The following CHODL variants were observed in gnomAD, a reference collection of about 807,000 sequenced individuals.
CHODL encodes chondrolectin.
CHODL carries 29 observed loss-of-function variants against 34.5 expected under a neutral mutation model. The ratio of observed to expected loss-of-function variants is 0.84; its 90% CI spans 0.63 to 1.15. CHODL has a LOEUF of 1.15. CHODL is among the 50% of genes most tolerant of loss of function. The probability of loss-of-function intolerance (pLI) is 0.00; values close to 1 mark genes in which losing one functional copy is unlikely to be tolerated. For missense variants in CHODL, 332 were observed against 332.5 expected (o/e 1.00, Z 0.01); for synonymous variants, 125 against 116.1 (o/e 1.08, Z -0.49).
intron 1 of CHODL, among the ~76,000 whole-genome samples, chr21:17,921,937 T>C (rs776634564): frequency 1.3e-5 from 2 of 152,170 alleles, no homozygotes; most frequent in African/African-American, 4.8e-5. Flanking sequence ...AAATTTCTAT[T>C]TTTTCCAAGA....
intron 2 of CHODL, among the ~76,000 whole-genome samples, chr21:18,087,995 G>A (rs944014573): frequency 2.6e-5 from 4 of 152,266 alleles, no homozygotes; most frequent in Middle Eastern, 3.4e-3. Flanking sequence ...GAGAGGACAA[G>A]CGAAGGGGGA....
At chr21:18,254,222 C>T (rs34590352) in intron 1 of CHODL, among the ~76,000 whole-genome samples, 6,445 of 151,472 alleles carry the variant, frequency 0.043, 445 homozygotes, top group African/African-American at 0.15. Context: ...ATAGGCTACA[C>T]AATTAAATAC....
chr21:18,130,523 CAG>C (rs370169270), intron 2 of CHODL, among the ~76,000 whole-genome samples: 87 of 152,142 alleles, frequency 5.7e-4, no homozygotes, highest in Admixed American at 1.2e-3. Context: ...AGAGGGATAA[CAG>C]GGCTGATTCC....
chr21:17,950,934 A>C (rs995034629), intron 1 of CHODL, among the ~76,000 whole-genome samples: 3 of 152,050 alleles, frequency 2.0e-5, no homozygotes, highest in Non-Finnish European at 2.9e-5. Context: ...TGGTCTTGCA[A>C]CCTCACAGTC....
At chr21:17,998,237 A>T (rs1420327254) in intron 1 of CHODL, among the ~76,000 whole-genome samples, 4 of 152,346 alleles carry the variant, frequency 2.6e-5, no homozygotes, top group African/African-American at 9.6e-5. Flanking sequence ...CAGGTCTCAC[A>T]CCCAGGTCAT....
At chr21:17,952,818 C>T (rs746233688) in intron 1 of CHODL, among the ~76,000 whole-genome samples, 15 of 152,280 alleles carry the variant, frequency 9.9e-5, no homozygotes, top group African/African-American at 3.1e-4. Context: ...GAGGTTTAAT[C>T]GCCTCTCAGT....
At chr21:17,933,561 G>T (rs935616148) in intron 1 of CHODL, among the ~76,000 whole-genome samples, 2 of 152,140 alleles carry the variant, frequency 1.3e-5, no homozygotes, top group Non-Finnish European at 2.9e-5. Context: ...TTGGGGTAAG[G>T]TCATAGATTA....
At position 18,234,357 on chromosome 21, in the gene CHODL, T is replaced by G. The variant is rs1160992906; in HGVS notation, c.-44-22152T>G. Among the ~76,000 whole-genome samples the G allele has an allele frequency of 3.6e-3, 550 of 152,192 alleles. 5 individuals carry two copies. The highest frequency in any genetic ancestry group is 0.012 in the African/African-American group (509 of 41,538). ...TGGAAGCAGAGTGTGGACTATTTTC[T>G]TGCCCTCTACTGGCCGTGAAGCCTC... On this transcript the variant is annotated intron_variant, in intron 2 of 6. Coordinates refer to the CHODL transcript ENST00000400127.
intron 2 of CHODL, among the ~76,000 whole-genome samples, chr21:18,235,723 GA>G (rs1189214541): frequency 6.6e-6 from 1 of 152,052 alleles, no homozygotes; most frequent in Non-Finnish European, 1.5e-5. Context: ...AAAACTTATT[GA>G]AAATAGCATT....
intron 2 of CHODL, among the ~76,000 whole-genome samples, chr21:18,145,083 G>T (rs1034786671): frequency 6.7e-6 from 1 of 149,610 alleles, no homozygotes; most frequent in Non-Finnish European, 1.5e-5. Flanking sequence ...AATACATTGT[G>T]TAGTAAACAA....
chr21:18,009,064 C>T (rs1600889134), intron 1 of CHODL, among the ~76,000 whole-genome samples: 3 of 152,278 alleles, frequency 2.0e-5, no homozygotes, highest in Admixed American at 2.0e-4. Context: ...CTATATGGTA[C>T]ATTGATTTTC....
intron 3 of CHODL, among the ~76,000 whole-genome samples, chr21:18,257,694 A>C (rs1022367718): frequency 5.9e-5 from 9 of 152,202 alleles, no homozygotes; most frequent in Non-Finnish European, 1.2e-4. Flanking sequence ...TATTCTTGAA[A>C]TATGTCTCCT....
intron 2 of CHODL, among the ~76,000 whole-genome samples, chr21:18,159,359 A>T (rs1036372727): frequency 1.3e-5 from 2 of 152,138 alleles, no homozygotes; most frequent in Non-Finnish European, 2.9e-5. Context: ...TAATATGGGA[A>T]CTATTTTGTT....
chr21:18,139,226 G>T (rs1021177740), intron 2 of CHODL, among the ~76,000 whole-genome samples: 1 of 151,782 alleles, frequency 6.6e-6, no homozygotes, highest in Non-Finnish European at 1.5e-5. Context: ...TTTTTACATT[G>T]TCTGGAAATT....
intron 2 of CHODL, among the ~76,000 whole-genome samples, chr21:18,235,618 T>C (rs2074021737): frequency 6.6e-6 from 1 of 152,224 alleles, no homozygotes; most frequent in Admixed American, 6.5e-5. Context: ...TATGATCAAA[T>C]AATTTCTTAT....
intron 2 of CHODL, among the ~76,000 whole-genome samples, chr21:18,107,461 C>T (rs535071946): frequency 6.6e-6 from 1 of 152,332 alleles, no homozygotes; most frequent in South Asian, 2.1e-4. Flanking sequence ...TCAGTGGCAA[C>T]TATACCAGGC....
chr21:18,214,583 T>C (rs1406528973), intron 2 of CHODL, among the ~76,000 whole-genome samples: 1 of 152,140 alleles, frequency 6.6e-6, no homozygotes, highest in Non-Finnish European at 1.5e-5. Flanking sequence ...ATTTGCAAAT[T>C]GAGGAAGCAA....
intron 2 of CHODL, among the ~76,000 whole-genome samples, chr21:18,134,962 CTT>C (rs1249150250): frequency 6.6e-6 from 1 of 152,180 alleles, no homozygotes; most frequent in Non-Finnish European, 1.5e-5. Context: ...CAAAGATGTG[CTT>C]TTTCTTATTA....
At chr21:18,154,063 T>C (rs2073003316) in intron 2 of CHODL, among the ~76,000 whole-genome samples, 1 of 152,164 alleles carries the variant, frequency 6.6e-6, no homozygotes, top group Admixed American at 6.6e-5. Flanking sequence ...AGATAGTGAA[T>C]ATAATTTCCC....
Sources: allele counts gnomAD v4.1 joint callset (sites outside exome capture counted in the v4.1 genomes callset), GRCh38; gene constraint gnomAD v4.1.1; transcripts MANE v1.5; gene names NCBI Gene and HGNC (gene_info 2026-07-23, HGNC 2026-07-21).